The following TRPC6 variants were observed in gnomAD, a reference collection of about 807,000 sequenced individuals.
The protein encoded by TRPC6 is transient receptor potential cation channel subfamily C member 6.
Under a neutral mutation model 90.7 loss-of-function variants are expected in TRPC6, and 55 were observed. The observed-to-expected ratio is 0.61, with a 90% CI of 0.49 to 0.76. The LOEUF (loss-of-function observed/expected upper bound fraction) is 0.76, where lower values mean the gene tolerates loss of function less well. Ranked by LOEUF, TRPC6 falls within the 30% of genes least tolerant of loss-of-function variation. The pLI is 0.00. For synonymous variants in TRPC6, 393 were observed against 393.0 expected, an observed-to-expected ratio of 1.00 and a Z score of 0.00; for missense variants, 989 against 1,122.7, an observed-to-expected ratio of 0.88 and a Z score of 1.70.
intron 1 of TRPC6, among the ~76,000 whole-genome samples, chr11:101,530,382 C>T (rs954101717): frequency 1.3e-5 from 2 of 152,076 alleles, no homozygotes; most frequent in Admixed American, 6.5e-5. Context: ...AATTGTGATC[C>T]GTGATCAGTT....
chr11:101,522,554 G>C (rs566723009), intron 1 of TRPC6, among the ~76,000 whole-genome samples: 5 of 152,296 alleles, frequency 3.3e-5, no homozygotes, highest in African/African-American at 1.2e-4. Context: ...TTATTTAAAA[G>C]TAAAATCTCA....
chr11:101,467,728 T>TCTCTCACATATCC (rs1859183341), intron 10 of TRPC6, among the ~76,000 whole-genome samples: 1 of 152,188 alleles, frequency 6.6e-6, no homozygotes, highest in African/African-American at 2.4e-5. Flanking sequence ...ACATATGGTC[T>TCTCTCACATATCC]CTCTCACATA....
At chr11:101,514,226 C>T (rs1860464425) in intron 1 of TRPC6, among the ~76,000 whole-genome samples, 1 of 151,984 alleles carries the variant, frequency 6.6e-6, no homozygotes, top group Non-Finnish European at 1.5e-5. Context: ...ATGTTCTAGG[C>T]ACTGTGCTAG....
At chr11:101,492,503 C>A (rs565661903) in intron 2 of TRPC6, among the ~76,000 whole-genome samples, 13 of 152,142 alleles carry the variant, frequency 8.5e-5, no homozygotes, top group Non-Finnish European at 1.6e-4. Flanking sequence ...GGGAGGATCA[C>A]CCGGGCAGGT....
chr11:101,491,802 G>C, intron 2 of TRPC6, 64 bp from the exon 3 acceptor site: 6 of 1,165,312 alleles, frequency 5.1e-6, no homozygotes, highest in Admixed American at 2.0e-5. Context: ...ATGCTTCAGA[G>C]ACTTGAAGGA....
chr11:101,569,939 C>T (rs191658296), intron 1 of TRPC6, among the ~76,000 whole-genome samples: 6 of 151,788 alleles, frequency 4.0e-5, no homozygotes, highest in South Asian at 4.2e-4. Context: ...AATTGACACC[C>T]GAACATCATA....
intron 4 of TRPC6, among the ~76,000 whole-genome samples, chr11:101,483,960 G>A (rs972629637): frequency 1.1e-4 from 16 of 152,252 alleles, no homozygotes; most frequent in Middle Eastern, 6.8e-3. Context: ...GAGGATCTAG[G>A]ATATGACTAA....
At chr11:101,508,162 A>G (rs1214780951) in intron 1 of TRPC6, among the ~76,000 whole-genome samples, 1 of 152,128 alleles carries the variant, frequency 6.6e-6, no homozygotes, top group Non-Finnish European at 1.5e-5. Flanking sequence ...AAGATTGCAC[A>G]CATCACAATT....
chr11:101,517,760 T>C (rs1015462154), intron 1 of TRPC6, among the ~76,000 whole-genome samples: 4 of 152,202 alleles, frequency 2.6e-5, no homozygotes, highest in Non-Finnish European at 5.9e-5. Flanking sequence ...GAAACCAAGA[T>C]ACAAACTAAC....
intron 1 of TRPC6, among the ~76,000 whole-genome samples, chr11:101,512,423 A>G (rs1037808397): frequency 6.6e-6 from 1 of 152,196 alleles, no homozygotes; most frequent in Admixed American, 6.5e-5. Context: ...GTTTGTGTAA[A>G]TTAGAACTCA....
chr11:101,535,738 T>A (rs1175214957), intron 1 of TRPC6, among the ~76,000 whole-genome samples: 1 of 152,190 alleles, frequency 6.6e-6, no homozygotes, highest in Non-Finnish European at 1.5e-5. Flanking sequence ...ATGGAAAGAA[T>A]AAAATACTGT....
At chr11:101,574,317 A>T (rs1410987203) in intron 1 of TRPC6, among the ~76,000 whole-genome samples, 1 of 151,132 alleles carries the variant, frequency 6.6e-6, no homozygotes, top group African/African-American at 2.5e-5. Context: ...GTTATATATG[A>T]TCCAAATCTA....
At chr11:101,506,845 G>A (rs1006011096) in intron 1 of TRPC6, among the ~76,000 whole-genome samples, 4 of 151,870 alleles carry the variant, frequency 2.6e-5, no homozygotes, top group East Asian at 1.9e-4. Flanking sequence ...GATCTCCAGA[G>A]GTGATACATT....
At chr11:101,539,302 T>C (rs1177593906) in intron 1 of TRPC6, among the ~76,000 whole-genome samples, 1 of 152,212 alleles carries the variant, frequency 6.6e-6, no homozygotes, top group African/African-American at 2.4e-5. Context: ...GAATTGACCA[T>C]AAGCCTTGTG....
intron 1 of TRPC6, among the ~76,000 whole-genome samples, chr11:101,581,241 G>T (rs796768641): frequency 1.3e-5 from 2 of 152,108 alleles, no homozygotes; most frequent in South Asian, 4.1e-4. Context: ...TTGAACTAAG[G>T]GAATATTCAC....
chr11:101,508,307 TA>T (rs1251558042), intron 1 of TRPC6, among the ~76,000 whole-genome samples: 1 of 152,158 alleles, frequency 6.6e-6, no homozygotes, highest in Non-Finnish European at 1.5e-5. Context: ...ATATTCCTTA[TA>T]ATGTCTTTTC....
At chr11:101,459,950 G>C (rs1285619722) in intron 10 of TRPC6, among the ~76,000 whole-genome samples, 1 of 152,104 alleles carries the variant, frequency 6.6e-6, no homozygotes, top group African/African-American at 2.4e-5. Flanking sequence ...TGTACAACTT[G>C]ATTATTTCTG....
rs1472828879 is a variant in TRPC6, at chr11:101,499,596, ACGTATATATGG to A, written c.945+4417_945+4427del. 6.6e-3 allele frequency among the ~76,000 whole-genome samples: 715 copies of A among 108,892 alleles called. 27 individuals carry two copies. The highest frequency in any genetic ancestry group is 7.9e-3 in the Admixed American group (88 of 11,170). 71.4% of individuals were successfully genotyped at this position (108,892 alleles called of 152,430 possible). On this transcript the variant is annotated intron_variant, in intron 2 of 12. Coordinates refer to ENST00000344327, the MANE Select transcript of TRPC6 (RefSeq NM_004621.6). Reference sequence around the variant, plus strand: ...ATGGTGTATATATACGTATATATATACGTATATATGGTATATATATATACACACACAATATA... The same window carrying A: ...ATGGTGTATATATACGTATATATATATATATATATATACACACACAATATA...
chr11:101,562,580 A>G (rs1279178030), intron 1 of TRPC6, among the ~76,000 whole-genome samples: 1 of 152,154 alleles, frequency 6.6e-6, no homozygotes, highest in Non-Finnish European at 1.5e-5. Flanking sequence ...CATACCAAAA[A>G]TCCTAGTTTA....
Sources: gnomAD v4.1 joint callset for allele counts (sites outside exome capture counted in the v4.1 genomes callset) on GRCh38, gnomAD v4.1.1 for gene constraint, MANE v1.5 for transcripts, NCBI Gene and HGNC (gene_info 2026-07-23, HGNC 2026-07-21) for gene names.